IL7: variants seen among roughly 807,000 people sequenced by gnomAD.
IL7 encodes interleukin 7, also known as interleukin-7.
Under a neutral mutation model 21.6 loss-of-function variants are expected in IL7, and 3 were observed. The observed-to-expected ratio is 0.14, with a 90% confidence interval of 0.06 to 0.36. IL7 has a LOEUF of 0.36. IL7 is among the 10% of genes least tolerant of loss of function. The pLI is 1.00. For synonymous variants in IL7, 62 were observed against 68.1 expected (o/e 0.91, Z 0.44); for missense variants, 175 against 200.2 (o/e 0.87, Z 0.76).
At chr8:78,677,351 C>CT (rs1809613450) in intron 4 of IL7, among the ~76,000 whole-genome samples, 1 of 145,942 alleles carries the variant, frequency 6.9e-6, no homozygotes, top group Non-Finnish European at 1.5e-5. Context: ...ATGGACAACT[C>CT]TTTAAAAAAA....
At chr8:78,794,417 A>G (rs1388787872) in intron 2 of IL7, among the ~76,000 whole-genome samples, 1 of 152,136 alleles carries the variant, frequency 6.6e-6, no homozygotes, top group Admixed American at 6.6e-5. Context: ...ATTGTCAATG[A>G]GCAGTAATAT....
chr8:78,789,885 A>G (rs192444317), intron 2 of IL7, among the ~76,000 whole-genome samples: 2 of 152,316 alleles, frequency 1.3e-5, no homozygotes, highest in African/African-American at 4.8e-5. Context: ...AGAATACAGA[A>G]GCAGGAACAG....
intron 3 of IL7, among the ~76,000 whole-genome samples, chr8:78,701,790 T>C (rs928543390): frequency 6.6e-6 from 1 of 152,226 alleles, no homozygotes; most frequent in African/African-American, 2.4e-5. Context: ...ATGAATAGCA[T>C]TTATTGATTT....
downstream of IL7, chr8:78,717,452 A>T: frequency 6.2e-7 from 1 of 1,604,258 alleles, no homozygotes; most frequent in Non-Finnish European, 8.5e-7. Context: ...AGAATGGGCC[A>T]AATTTTGCTG....
intron 3 of IL7, among the ~76,000 whole-genome samples, chr8:78,687,860 ATAT>A (rs1810068355): frequency 8.7e-6 from 1 of 115,502 alleles, no homozygotes; most frequent in Non-Finnish European, 1.8e-5. Context: ...TATATAATAT[ATAT>A]CTATATAATA....
At chr8:78,697,722 A>C (rs1439267641) in intron 3 of IL7, among the ~76,000 whole-genome samples, 1 of 146,128 alleles carries the variant, frequency 6.8e-6, no homozygotes, top group Non-Finnish European at 1.5e-5. Flanking sequence ...TCTGTTGCCC[A>C]GGTTTGAGTG....
At chr8:78,791,027 A>G (rs1563437404) in intron 2 of IL7, among the ~76,000 whole-genome samples, 1 of 152,192 alleles carries the variant, frequency 6.6e-6, no homozygotes, top group African/African-American at 2.4e-5. Context: ...ATACAGATGA[A>G]CAAAATGGAA....
chr8:78,675,942 G>T, exon 5 of IL7: 1 of 1,249,192 alleles, frequency 8.0e-7, no homozygotes, highest in Non-Finnish European at 1.2e-6. Flanking sequence ...CTCATGGGAA[G>T]AATTTACGTG....
At chr8:78,756,462 T>G (rs1812352854) in intron 2 of IL7, among the ~76,000 whole-genome samples, 1 of 151,962 alleles carries the variant, frequency 6.6e-6, no homozygotes, top group African/African-American at 2.4e-5. Context: ...TTTTCTTTTT[T>G]GGGAGAATTT....
Position 78,805,017 on chromosome 8 carries a change from C to T in IL7, c.-95G>A. On this transcript the variant is annotated 5_prime_UTR_variant, in exon 1 of 6. Transcript: ENST00000263851. ...TCACTCCCAGGACCCTGGTCTTCCG[C>T]GGAGTTGCCGAGTCTGTGTTGGGCA... 7.2e-7 allele frequency: 1 copy of T among 1,389,266 alleles called. No individual in the cohort carries two copies. The highest frequency in any genetic ancestry group is 9.9e-7 in the Non-Finnish European group (1 of 1,009,232). 86.1% of individuals were successfully genotyped at this position (1,389,266 alleles called of 1,614,324 possible).
chr8:78,701,080 G>A (rs748532227), intron 3 of IL7, among the ~76,000 whole-genome samples: 1 of 152,236 alleles, frequency 6.6e-6, no homozygotes, highest in South Asian at 2.1e-4. Flanking sequence ...AATTGCTTTA[G>A]GCAGTATCAC....
At chr8:78,768,317 C>A (rs1014006549) in intron 2 of IL7, among the ~76,000 whole-genome samples, 26 of 151,934 alleles carry the variant, frequency 1.7e-4, no homozygotes, top group Non-Finnish European at 2.6e-4. Context: ...AATGGTATTT[C>A]TAGTTCTAGA....
intron 2 of IL7, among the ~76,000 whole-genome samples, chr8:78,781,940 T>C (rs574826580): frequency 6.6e-6 from 1 of 152,120 alleles, no homozygotes; most frequent in South Asian, 2.1e-4. Flanking sequence ...TTTTCTCTAA[T>C]TTTGTGTCTT....
chr8:78,714,570 G>T (rs577999923), downstream of IL7, among the ~76,000 whole-genome samples: 19 of 152,210 alleles, frequency 1.2e-4, no homozygotes, highest in African/African-American at 4.6e-4. Context: ...CCAAGCCTCT[G>T]CTTTTAGTGT....
chr8:78,746,506 T>C (rs1021961258), intron 2 of IL7, among the ~76,000 whole-genome samples: 8 of 152,238 alleles, frequency 5.3e-5, no homozygotes, highest in Non-Finnish European at 8.8e-5. Context: ...TTTTATTACA[T>C]GGAAGTCACA....
chr8:78,755,503 T>C (rs1281425008), intron 2 of IL7, among the ~76,000 whole-genome samples: 2 of 152,018 alleles, frequency 1.3e-5, no homozygotes, highest in Non-Finnish European at 2.9e-5. Context: ...CAGTCTTTCA[T>C]TAGTGTTTTG....
intron 3 of IL7, among the ~76,000 whole-genome samples, chr8:78,703,186 C>T (rs368339443): frequency 6.6e-5 from 10 of 152,144 alleles, no homozygotes; most frequent in South Asian, 6.2e-4. Context: ...CATGAGCCAC[C>T]GCGCCTGGCC....
chr8:78,675,925 G>A, exon 5 of IL7: 1 of 1,435,542 alleles, frequency 7.0e-7, no homozygotes, highest in Non-Finnish European at 9.7e-7. Flanking sequence ...AATAATTCTG[G>A]TCAATTCTCA....
intron 2 of IL7, among the ~76,000 whole-genome samples, chr8:78,781,456 T>C (rs1168596424): frequency 2.0e-5 from 3 of 152,234 alleles, no homozygotes; most frequent in African/African-American, 2.4e-5. Flanking sequence ...GAAAGGATTT[T>C]ATTTCTCCTT....
Sources: allele counts gnomAD v4.1 joint callset (sites outside exome capture counted in the v4.1 genomes callset), GRCh38; gene constraint gnomAD v4.1.1; transcripts MANE v1.5; gene names NCBI Gene and HGNC (gene_info 2026-07-23, HGNC 2026-07-21).